CELF2: variants seen among roughly 807,000 people sequenced by gnomAD.
CELF2 encodes CUG triplet repeat RNA-binding protein 2.
Under a neutral mutation model 62.6 loss-of-function variants are expected in CELF2, and 8 were observed. The observed-to-expected ratio is 0.13, with a 90% CI of 0.07 to 0.23. The LOEUF (loss-of-function observed/expected upper bound fraction) is 0.23, where lower values mean the gene tolerates loss of function less well. Ranked by LOEUF, CELF2 falls within the 10% of genes least tolerant of loss-of-function variation. The pLI is 1.00. For synonymous variants in CELF2, 258 were observed against 250.0 expected, an observed-to-expected ratio of 1.03 and a Z score of -0.30; for missense variants, 333 against 671.0, an observed-to-expected ratio of 0.50 and a Z score of 5.56.
the CELF2 span, among the ~76,000 whole-genome samples, chr10:10,658,079 C>T: frequency 2.6e-4 from 39 of 152,268 alleles, no homozygotes; most frequent in East Asian, 6.7e-3. Flanking sequence ...GCCCATAAAA[C>T]GTCAAAGCTT....
chr10:10,955,197 G>C (rs1392792941), intron 2 of CELF2, among the ~76,000 whole-genome samples: 2 of 152,222 alleles, frequency 1.3e-5, no homozygotes, highest in Non-Finnish European at 2.9e-5. Context: ...AGAGGCAATA[G>C]GTAACCTGCT....
At chr10:10,489,155 A>G in the CELF2 span, among the ~76,000 whole-genome samples, 2 of 151,986 alleles carry the variant, frequency 1.3e-5, no homozygotes, top group South Asian at 2.1e-4. Flanking sequence ...TTCTTCACCA[A>G]AAAAAAACTT....
intron 8 of CELF2, among the ~76,000 whole-genome samples, chr10:11,283,329 G>A (rs1223941954): frequency 1.3e-5 from 2 of 152,208 alleles, no homozygotes; most frequent in East Asian, 3.8e-4. Flanking sequence ...ACATCTCCCT[G>A]CTCTGATATC....
the CELF2 span, among the ~76,000 whole-genome samples, chr10:10,546,753 G>A: frequency 6.6e-6 from 1 of 152,136 alleles, no homozygotes; most frequent in Non-Finnish European, 1.5e-5. Flanking sequence ...TCAGGGAAAA[G>A]GAGAGACAAG....
chr10:11,179,921 G>A (rs1278848825), intron 2 of CELF2, among the ~76,000 whole-genome samples: 1 of 152,118 alleles, frequency 6.6e-6, no homozygotes, highest in East Asian at 1.9e-4. Flanking sequence ...GTCACACTCA[G>A]CCCTAGTTCT....
chr10:10,526,870 G>C, the CELF2 span, among the ~76,000 whole-genome samples: 2 of 152,168 alleles, frequency 1.3e-5, no homozygotes, highest in East Asian at 1.9e-4. Flanking sequence ...CAACCACTCA[G>C]AGCTGGACTT....
intron 1 of CELF2, among the ~76,000 whole-genome samples, chr10:10,887,803 C>T (rs1305146856): frequency 6.0e-5 from 9 of 149,820 alleles, no homozygotes; most frequent in Admixed American, 5.3e-4. Context: ...GACAAAGTCT[C>T]GCTCTGTCGC....
At chr10:11,265,050 G>A (rs1006171446) in intron 5 of CELF2, among the ~76,000 whole-genome samples, 14 of 152,236 alleles carry the variant, frequency 9.2e-5, no homozygotes, top group African/African-American at 3.4e-4. Context: ...AGGGTAATGG[G>A]CAGGCATTGC....
At chr10:10,687,559 CAG>C in the CELF2 span, among the ~76,000 whole-genome samples, 1 of 152,124 alleles carries the variant, frequency 6.6e-6, no homozygotes, top group Non-Finnish European at 1.5e-5. Context: ...TTAATAACAT[CAG>C]AGAGTCATTG....
chr10:11,199,451 C>T (rs1021778332), intron 2 of CELF2, among the ~76,000 whole-genome samples: 3 of 152,136 alleles, frequency 2.0e-5, no homozygotes, highest in Non-Finnish European at 2.9e-5. Context: ...GTCACACCTG[C>T]GAGCAGAGAA....
chr10:10,645,663 A>G, the CELF2 span, among the ~76,000 whole-genome samples: 1 of 152,184 alleles, frequency 6.6e-6, no homozygotes, highest in African/African-American at 2.4e-5. Flanking sequence ...CAAAAAAATA[A>G]AAAATAAATT....
intron 1 of CELF2, among the ~76,000 whole-genome samples, chr10:10,886,510 A>G (rs17149050): frequency 0.025 from 3,775 of 152,264 alleles, 158 homozygotes; most frequent in African/African-American, 0.086. Context: ...GAGTCTGACA[A>G]CTGAACGAGA....
chr10:11,165,292 T>C lies in CELF2; in HGVS notation c.75-194T>C, dbSNP rs558666967. On this transcript the variant is annotated intron_variant, in intron 1 of 12. Coordinates refer to ENST00000633077, the MANE Select transcript of CELF2 (RefSeq NM_001326342.2). The surrounding 1 kb of genome is among the most constrained non-coding windows in gnomAD (Gnocchi z 7.4). ...TCGACAGCAGCACGCAGTGAGAGCCTCGCCGCCGCCGAGGAGCAACTCATG... is the reference window on the plus strand; with the variant it reads ...TCGACAGCAGCACGCAGTGAGAGCCCCGCCGCCGCCGAGGAGCAACTCATG... 3 of 1,399,006 alleles carry C rather than the reference T, an allele frequency of 2.1e-6. No homozygotes were observed. The highest frequency in any genetic ancestry group is 1.5e-5 in the African/African-American group (1 of 68,396). 86.7% of individuals were successfully genotyped at this position (1,399,006 alleles called of 1,614,324 possible).
At chr10:10,799,535 C>T (rs912340470) in intron 1 of CELF2, among the ~76,000 whole-genome samples, 3 of 151,944 alleles carry the variant, frequency 2.0e-5, no homozygotes, top group Non-Finnish European at 4.4e-5. Context: ...TTCCAGAAAG[C>T]CTTATTAGGG....
At chr10:11,066,402 G>A (rs768413909) in intron 1 of CELF2, among the ~76,000 whole-genome samples, 4 of 151,964 alleles carry the variant, frequency 2.6e-5, no homozygotes, top group Non-Finnish European at 5.9e-5. Context: ...AACAGTACAT[G>A]TCATCACCTT....
intron 3 of CELF2, among the ~76,000 whole-genome samples, chr10:11,226,791 A>G (rs1037918409): frequency 2.6e-5 from 4 of 152,104 alleles, no homozygotes; most frequent in Non-Finnish European, 5.9e-5. Context: ...TGAAGTTACT[A>G]ACACGGAGCT....
At chr10:10,922,527 C>A (rs533909712) in intron 2 of CELF2, among the ~76,000 whole-genome samples, 5 of 152,310 alleles carry the variant, frequency 3.3e-5, no homozygotes, top group African/African-American at 1.2e-4. Context: ...AAATCACCGT[C>A]GGCACCCGGA....
At chr10:10,593,569 G>T in the CELF2 span, among the ~76,000 whole-genome samples, 2 of 152,224 alleles carry the variant, frequency 1.3e-5, no homozygotes, top group African/African-American at 4.8e-5. Context: ...CCTCAAGGGT[G>T]TGGGCACAGG....
At chr10:11,179,707 G>A (rs77680459) in intron 2 of CELF2, among the ~76,000 whole-genome samples, 115 of 152,278 alleles carry the variant, frequency 7.6e-4, no homozygotes, top group African/African-American at 2.7e-3. Flanking sequence ...GTGTGTGCGT[G>A]TGCCTGTGTT....
Sources: gnomAD v4.1 joint callset for allele counts (sites outside exome capture counted in the v4.1 genomes callset) on GRCh38, gnomAD v4.1.1 for gene constraint, Gnocchi (gnomAD v3.1) non-coding constraint, MANE v1.5 for transcripts, NCBI Gene and HGNC (gene_info 2026-07-23, HGNC 2026-07-21) for gene names.